ZNF480: variants seen among roughly 807,000 people sequenced by gnomAD.
ZNF480 encodes zinc finger protein 480.
A neutral mutation model predicts 14.4 loss-of-function variants in ZNF480; 15 were observed. That is an observed-to-expected ratio of 1.04 (90% CI 0.70 to 1.60). The LOEUF is 1.60. Among genes scored for constraint, ZNF480 ranks in the 40% most tolerant of loss-of-function variants. The pLI is 0.00. For synonymous variants in ZNF480, 218 were observed against 215.5 expected (o/e 1.01, Z -0.10); for missense variants, 593 against 629.7 (o/e 0.94, Z 0.62).
intron 2 of ZNF480, among the ~76,000 whole-genome samples, chr19:52,312,402 C>A (rs1983330607): frequency 6.6e-6 from 1 of 152,146 alleles, no homozygotes; most frequent in Non-Finnish European, 1.5e-5. Flanking sequence ...CCTTGTGATC[C>A]ACCCGCCTTG....
In ZNF480 at chr19:52,321,860, G is replaced by T; in HGVS notation, c.610G>T (p.Glu204Ter). Residue 204 changes from glutamate (E) to a stop codon, truncating the protein, a stop_gained, in exon 5 of 5, where the codon GAA becomes TAA. Coordinates refer to ENST00000595962, the MANE Select transcript of ZNF480 (RefSeq NM_144684.4). LOFTEE classifies it low-confidence loss of function (END_TRUNC). Reference protein sequence around the residue: ...QKVHLREKPYECNEHSKVFRV... With the variant: ...QKVHLREKPY The stretch of plus-strand genomic sequence containing the variant: ...AGTACACCTTAGAGAAAAACCTTAT[G>T]AATGTAATGAGCATAGCAAAGTCTT... 6.2e-7 allele frequency: 1 copy of T among 1,614,080 alleles called. No homozygotes were observed. Among genetic ancestry groups the T allele is most frequent in the Non-Finnish European group, 8.5e-7 (1 of 1,179,998 alleles).
chr19:52,315,840 C>T lies in ZNF480; in HGVS notation c.206C>T (p.Ser69Phe). Residue 69 changes from serine (S) to phenylalanine (F), a missense_variant, in exon 4 of 5, where the codon TCT becomes TTT. Transcript: ENST00000595962. ...NYRNLVSLGI[S>F]LPDLNINSML... ...TTTTTTTTTTTACAAACAGGAATCT[C>T]TCTTCCTGACCTGAATATTAACTCC... The T allele has an allele frequency of 1.2e-6, 2 of 1,607,630 alleles. No individual in the cohort carries two copies. Among genetic ancestry groups the T allele is most frequent in the Non-Finnish European group, 8.5e-7 (1 of 1,176,436 alleles).
chr19:52,314,253 A>G lies in ZNF480; in HGVS notation c.173A>G (p.Glu58Gly). ...QRALYKDVML[E>G]NYRNLVSLGI... ...GCTTTATACAAGGATGTGATGTTGG[A>G]GAACTACAGGAACCTGGTCTCCCTG... The change falls in exon 3 of 5, where the codon GAG (glutamate) becomes GGG (glycine). Residue 58 changes from glutamate (E) to glycine (G), a missense_variant. Transcript: ENST00000595962. 1 of 1,573,284 alleles carries G rather than the reference A, an allele frequency of 6.4e-7. No individual in the cohort carries two copies.
At chr19:52,305,567 T>G (rs757750130) in intron 2 of ZNF480, among the ~76,000 whole-genome samples, 9 of 152,208 alleles carry the variant, frequency 5.9e-5, no homozygotes, top group Admixed American at 1.3e-4. Context: ...AATCAATGAC[T>G]CCTGCATGTA....
At chr19:52,311,109 TG>T (rs1600217036) in intron 2 of ZNF480, among the ~76,000 whole-genome samples, 2 of 152,026 alleles carry the variant, frequency 1.3e-5, no homozygotes, top group East Asian at 3.9e-4. Context: ...CATGTATTAA[TG>T]TTTTATTAAT....
Position 52,323,513 on chromosome 19 carries a change from C to A in ZNF480, c.*655C>A, listed in dbSNP as rs1188164581. ...CACAATGAAAAAAGAAAACTTCAGG[C>A]TGGTACTCCTGACGAATATAGGTGC... On this transcript the variant is annotated 3_prime_UTR_variant, in exon 5 of 5. Transcript: ENST00000595962. 2.0e-5 allele frequency: 3 copies of A among 152,038 alleles called. No individual in the cohort carries two copies. Among genetic ancestry groups the A allele is most frequent in the African/African-American group, 7.2e-5 (3 of 41,410 alleles). The allele number at this position is 152,038 out of a possible 1,614,324, so 9.4% of individuals were successfully genotyped here.
chr19:52,320,506 C>G (rs1983761130), intron 4 of ZNF480, among the ~76,000 whole-genome samples: 1 of 152,066 alleles, frequency 6.6e-6, no homozygotes, highest in African/African-American at 2.4e-5. Context: ...ACAGAAAAAA[C>G]TTGCTGAGGC....
rs375407066 is a variant in ZNF480 at position 52,321,839 on chromosome 19, C to T, written c.589C>T (p.His197Tyr). 4 of 1,614,098 alleles carry T rather than the reference C, an allele frequency of 2.5e-6. No individual in the cohort carries two copies. Among genetic ancestry groups the T allele is most frequent in the Non-Finnish European group, 3.4e-6 (4 of 1,179,992 alleles). The change falls in exon 5 of 5, where the codon CAC becomes TAC. Residue 197 changes from histidine (H) to tyrosine (Y), a missense_variant. Physicochemically the swap from His to Tyr is moderately conservative, Grantham distance 83. Coordinates refer to ENST00000595962, the MANE Select transcript of ZNF480 (RefSeq NM_144684.4). ...SSFLPQEQKVHLREKPYECNE... is the reference protein window; with the variant it reads ...SSFLPQEQKVYLREKPYECNE... ...ATTTCTCCCACAAGAACAGAAAGTA[C>T]ACCTTAGAGAAAAACCTTATGAATG...
Position 52,315,908 on chromosome 19 carries a change from G to A in ZNF480, c.274G>A (p.Val92Met). 6.2e-7 allele frequency: 1 copy of A among 1,612,936 alleles called. No individual in the cohort carries two copies. Among genetic ancestry groups the A allele is most frequent in the Non-Finnish European group, 8.5e-7 (1 of 1,179,278 alleles). ...RREPWSGESE[V>M]KIAKNSDGRE... Reference sequence around the variant, plus strand: ...GGAGCCCTGGTCTGGTGAGAGTGAAGTGAAAATAGCAAAAAATTCAGATGG... The same window carrying A: ...GGAGCCCTGGTCTGGTGAGAGTGAAATGAAAATAGCAAAAAATTCAGATGG... Residue 92 changes from valine to methionine, a missense_variant, in exon 4 of 5, where the codon GTG (valine) becomes ATG (methionine). By Grantham distance (21) the Val-to-Met change is conservative. Coordinates refer to ENST00000595962, the MANE Select transcript of ZNF480 (RefSeq NM_144684.4).
intron 1 of ZNF480, among the ~76,000 whole-genome samples, chr19:52,299,573 G>A (rs541959277): frequency 6.6e-6 from 1 of 152,154 alleles, no homozygotes; most frequent in African/African-American, 2.4e-5. Context: ...GAAGCATTTT[G>A]CTTAGTTTTA....
intron 2 of ZNF480, among the ~76,000 whole-genome samples, chr19:52,305,918 G>A (rs1300060120): frequency 6.6e-6 from 1 of 152,152 alleles, no homozygotes; most frequent in Non-Finnish European, 1.5e-5. Context: ...ACATATTTCA[G>A]GGTCAGCAGA....
intron 2 of ZNF480, among the ~76,000 whole-genome samples, chr19:52,303,604 G>T (rs1460718719): frequency 3.9e-5 from 6 of 152,106 alleles, no homozygotes; most frequent in Non-Finnish European, 7.4e-5. Context: ...ATGCTAAGTT[G>T]GAAAAATCAA....
Position 52,300,707 on chromosome 19 carries a change from G to C in ZNF480, c.72+223G>C, listed in dbSNP as rs1045462842. 14 of 735,608 alleles carry C rather than the reference G, an allele frequency of 1.9e-5. No homozygotes were observed. In the African/African-American group the frequency reaches 2.5e-4, roughly 13 times the overall value. 45.6% of individuals were successfully genotyped at this position (735,608 alleles called of 1,614,324 possible). A position where few individuals can be genotyped will look rare whatever the true frequency, so the allele number is the denominator to read the frequency against. ...GACACAAGAATAGAGTGTAAAGTGG[G>C]ATCAGGGGCCAACAGCCTTCAGAGC... On this transcript the variant is annotated intron_variant, in intron 2 of 4. Transcript: ENST00000595962.
Position 52,300,891 on chromosome 19 carries a change from GC to G in ZNF480, c.72+408del, listed in dbSNP as rs137931274. On this transcript the variant is annotated intron_variant, in intron 2 of 4. Coordinates refer to ENST00000595962, the MANE Select transcript of ZNF480 (RefSeq NM_144684.4). ...AACAGTCTTTGGCTAATTATCTGCA[GC>G]AAAAACGTGTTAAGGCACAGGCCAC... is the stretch of plus-strand genomic sequence containing the variant. 5.3e-3 allele frequency: 1,154 copies of G among 217,962 alleles called. 17 individuals carry two copies. The highest frequency in any genetic ancestry group is 0.024 in the African/African-American group (1,064 of 43,840). The allele number at this position is 217,962 out of a possible 1,614,324, so 13.5% of individuals were successfully genotyped here.
chr19:52,306,685 T>C (rs1380216913), intron 2 of ZNF480, among the ~76,000 whole-genome samples: 1 of 152,194 alleles, frequency 6.6e-6, no homozygotes, highest in Non-Finnish European at 1.5e-5. Context: ...TTAAATTCTT[T>C]AAGTATTTTA....
chr19:52,311,842 C>G (rs915471207), intron 2 of ZNF480, among the ~76,000 whole-genome samples: 1 of 151,954 alleles, frequency 6.6e-6, no homozygotes, highest in African/African-American at 2.4e-5. Context: ...CAAATGTCAT[C>G]TAAAAAATAG....
chr19:52,322,334 C>T lies in ZNF480; in HGVS notation c.1084C>T (p.Gln362Ter). ...FYRIALLVRH[Q>*]KIHTGEKPYK... ...TAGGATTGCGCTCCTTGTACGACAT[C>T]AGAAAATTCATACTGGAGAGAAACC... Residue 362 changes from glutamine (Q) to a stop codon, truncating the protein, a stop_gained, in exon 5 of 5, where the codon CAG (glutamine) becomes TAG (stop). Coordinates refer to ENST00000595962, the MANE Select transcript of ZNF480 (RefSeq NM_144684.4). LOFTEE classifies it low-confidence loss of function (END_TRUNC). The T allele has an allele frequency of 6.2e-7, 1 of 1,612,950 alleles. No individual in the cohort carries two copies. The highest frequency in any genetic ancestry group is 1.3e-5 in the African/African-American group (1 of 74,672).
chr19:52,317,794 C>T (rs1452544723), intron 4 of ZNF480, among the ~76,000 whole-genome samples: 1 of 152,106 alleles, frequency 6.6e-6, no homozygotes, highest in African/African-American at 2.4e-5. Flanking sequence ...AATTTTCCAC[C>T]AACAGTGGCA....
intron 3 of ZNF480, among the ~76,000 whole-genome samples, chr19:52,315,541 G>C (rs765893876): frequency 2.7e-5 from 4 of 150,064 alleles, no homozygotes; most frequent in Admixed American, 2.7e-4. Flanking sequence ...GGCTGATCTC[G>C]AACTCCCGAC....
Sources: allele counts gnomAD v4.1 joint callset (sites outside exome capture counted in the v4.1 genomes callset), GRCh38; gene constraint gnomAD v4.1.1; transcripts MANE v1.5; gene names NCBI Gene and HGNC (gene_info 2026-07-23, HGNC 2026-07-21).